FMN1: variants seen among roughly 807,000 people sequenced by gnomAD.
FMN1 encodes the protein formin-1.
A neutral mutation model predicts 132.4 loss-of-function variants in FMN1; 110 were observed. The ratio of observed to expected loss-of-function variants is 0.83; its 90% CI spans 0.71 to 0.97. The LOEUF (loss-of-function observed/expected upper bound fraction) is 0.97. Ranked by LOEUF, FMN1 falls within the 50% of genes least tolerant of loss-of-function variation. FMN1 has a pLI of 0.00. For synonymous variants in FMN1, 722 were observed against 651.7 expected (o/e 1.11, Z -1.64); for missense variants, 1,792 against 1,705.3 (o/e 1.05, Z -0.90).
chr15:32,934,521 G>C (rs1351096977), intron 9 of FMN1, among the ~76,000 whole-genome samples: 3 of 151,006 alleles, frequency 2.0e-5, no homozygotes, highest in African/African-American at 7.3e-5. Flanking sequence ...TGTAAGTCTA[G>C]TGGTCATGAA....
intron 6 of FMN1, among the ~76,000 whole-genome samples, chr15:33,018,769 C>G (rs139370256): frequency 1.3e-5 from 2 of 152,204 alleles, no homozygotes; most frequent in African/African-American, 4.8e-5. Context: ...CGGATGTGTT[C>G]GGAGTTTCTC....
chr15:33,160,907 C>A (rs915952310), intron 3 of FMN1, among the ~76,000 whole-genome samples: 1 of 152,164 alleles, frequency 6.6e-6, no homozygotes, highest in Admixed American at 6.5e-5. Context: ...CTCACTCTAC[C>A]CCAAATGGAA....
rs1242018762 is a variant in FMN1 at position 33,010,842 on chromosome 15, CAG to C, written c.2162-2769_2162-2768del. On this transcript the variant is annotated intron_variant, in intron 6 of 20. Coordinates refer to ENST00000616417, the MANE Select transcript of FMN1 (RefSeq NM_001277313.2). ...TACAAAATACCCAGAAAAAACTCAA[CAG>C]AAATATGTAAAGACCTCATATAAGA... Among the ~76,000 whole-genome samples, 3 of 151,290 alleles carry C rather than the reference CAG, an allele frequency of 2.0e-5. No individual in the cohort carries two copies. In the South Asian group the frequency reaches 6.3e-4, roughly 32 times the overall value.
At chr15:32,878,577 G>C (rs2059691358) in intron 16 of FMN1, among the ~76,000 whole-genome samples, 2 of 152,170 alleles carry the variant, frequency 1.3e-5, no homozygotes, top group South Asian at 4.1e-4. Context: ...AAGGAATCAA[G>C]GAAAAGTATG....
At chr15:33,025,381 A>G (rs762966321) in intron 6 of FMN1, among the ~76,000 whole-genome samples, 5 of 152,188 alleles carry the variant, frequency 3.3e-5, no homozygotes, top group Non-Finnish European at 7.4e-5. Context: ...TTTTTCAGGA[A>G]CATATATTTT....
chr15:32,892,739 C>T (rs1401962181), intron 15 of FMN1, among the ~76,000 whole-genome samples: 1 of 152,056 alleles, frequency 6.6e-6, no homozygotes, highest in African/African-American at 2.4e-5. Flanking sequence ...ATTCTTGCTG[C>T]TTGTTACTGG....
intron 2 of FMN1, among the ~76,000 whole-genome samples, chr15:33,192,120 C>T (rs1966100445): frequency 6.6e-6 from 1 of 152,082 alleles, no homozygotes; most frequent in African/African-American, 2.4e-5. Context: ...AATAAGAAAA[C>T]CATTAAAGGC....
chr15:32,981,811 C>T (rs967569523), intron 7 of FMN1, among the ~76,000 whole-genome samples: 6 of 151,986 alleles, frequency 3.9e-5, no homozygotes, highest in African/African-American at 1.4e-4. Flanking sequence ...TATCAAAACA[C>T]AATATTGCAC....
chr15:32,969,308 T>G lies in FMN1; in HGVS notation c.2393A>C (p.Lys798Thr), dbSNP rs751319201. Residue 798 changes from lysine to threonine, a missense_variant, in exon 8 of 21, where the codon AAG (lysine) becomes ACG (threonine). By Grantham distance (78) the Lys-to-Thr change is moderately conservative (BLOSUM62 -1). Around this residue, in one of 3 missense-constraint regions of FMN1, gnomAD observed 1,150 missense variants for 1,043.1 expected, o/e 1.10. Transcript: ENST00000616417. ...CTGGACGCACACATTTCTGAAGGTC[T>G]TTGGAGGGCAGTCATCATCGGTGGA... ...CISTDDDCPP[K>T]TFRNVCVQTD... 6.2e-7 allele frequency: 1 copy of G among 1,613,860 alleles called. No individual in the cohort carries two copies. The highest frequency in any genetic ancestry group is 1.3e-5 in the African/African-American group (1 of 74,898).
At chr15:33,063,353 C>A (rs890692011) in intron 6 of FMN1, 2 of 152,362 alleles carry the variant, frequency 1.3e-5, no homozygotes, top group Non-Finnish European at 2.9e-5. Flanking sequence ...CTGAGGGCTG[C>A]GGGTCCTGCC....
At chr15:32,993,705 GT>G (rs1282158040) in intron 7 of FMN1, among the ~76,000 whole-genome samples, 1 of 152,172 alleles carries the variant, frequency 6.6e-6, no homozygotes, top group Non-Finnish European at 1.5e-5. Flanking sequence ...AACAATGACA[GT>G]TTTCATGGTT....
intron 4 of FMN1, among the ~76,000 whole-genome samples, chr15:33,098,927 G>T (rs994913585): frequency 6.6e-6 from 1 of 151,862 alleles, no homozygotes; most frequent in Non-Finnish European, 1.5e-5. Context: ...TGTTTTCTGG[G>T]GCCCTTCAAT....
intron 17 of FMN1, among the ~76,000 whole-genome samples, chr15:32,828,969 T>C (rs2058437308): frequency 1.3e-5 from 2 of 152,206 alleles, no homozygotes; most frequent in African/African-American, 2.4e-5. Flanking sequence ...GGCACCTATG[T>C]ATATTTGCTA....
intron 19 of FMN1, among the ~76,000 whole-genome samples, chr15:32,791,367 CTTT>C (rs34331378): frequency 1.4e-5 from 2 of 147,856 alleles, no homozygotes; most frequent in Non-Finnish European, 1.5e-5. Flanking sequence ...AGCAATAAAC[CTTT>C]TTTTTTTTTC....
chr15:32,867,364 G>A (rs1377616671), intron 16 of FMN1, among the ~76,000 whole-genome samples: 1 of 152,190 alleles, frequency 6.6e-6, no homozygotes, highest in Non-Finnish European at 1.5e-5. Context: ...CCCTGCCACA[G>A]TGGCCCTTCT....
intron 6 of FMN1, among the ~76,000 whole-genome samples, chr15:33,039,690 G>T (rs1191513763): frequency 6.6e-6 from 1 of 152,158 alleles, no homozygotes; most frequent in Non-Finnish European, 1.5e-5. Flanking sequence ...AATAGGCTTA[G>T]CAAGAAAAGA....
chr15:32,945,922 T>C (rs1299995655), intron 9 of FMN1, among the ~76,000 whole-genome samples: 1 of 152,202 alleles, frequency 6.6e-6, no homozygotes. Flanking sequence ...ATAGTCTTCA[T>C]TTGCCGCCAT....
At chr15:32,800,350 G>T (rs1485809846) in intron 18 of FMN1, among the ~76,000 whole-genome samples, 9 of 152,134 alleles carry the variant, frequency 5.9e-5, no homozygotes, top group Admixed American at 5.9e-4. Flanking sequence ...TCTCTTAAGG[G>T]ACTCTATTAT....
chr15:32,969,239 T>A lies in FMN1; in HGVS notation c.2462A>T (p.Lys821Met), dbSNP rs61732708. Residue 821 changes from lysine to methionine, a missense_variant, in exon 8 of 21, where the codon AAG becomes ATG. Coordinates refer to ENST00000616417, the MANE Select transcript of FMN1 (RefSeq NM_001277313.2). ...TFLKPCESES[K>M]TTRSNQLVPK... ...TACTAATTGATTACTTCTGGTTGTC[T>A]TGCTTTCACTTTCACAGGGCTTGAG... The A allele has an allele frequency of 6.2e-7, 1 of 1,613,900 alleles. No individual in the cohort carries two copies. The highest frequency in any genetic ancestry group is 1.1e-5 in the South Asian group (1 of 91,078).
Sources: gnomAD v4.1 joint callset for allele counts (sites outside exome capture counted in the v4.1 genomes callset) on GRCh38, gnomAD v4.1.1 for gene constraint, gnomAD v4.1.1 regional missense constraint, MANE v1.5 for transcripts, NCBI Gene and HGNC (gene_info 2026-07-23, HGNC 2026-07-21) for gene names.